Variants in BANK1 observed in about 807,000 individuals in gnomAD.
The protein encoded by BANK1 is B-cell scaffold protein with ankyrin repeats.
Under a neutral mutation model 94.5 loss-of-function variants are expected in BANK1, and 95 were observed. That is an observed-to-expected ratio of 1.00 (90% confidence interval 0.85 to 1.19). The LOEUF (loss-of-function observed/expected upper bound fraction) is 1.19, where lower values mean the gene tolerates loss of function less well. Ranked by LOEUF, BANK1 falls within the 50% of genes most tolerant of loss-of-function variation. The pLI, the probability that BANK1 is intolerant of heterozygous loss-of-function variation, is 0.00. For synonymous variants in BANK1, 334 were observed against 308.4 expected (o/e 1.08, Z -0.87); for missense variants, 987 against 932.2 (o/e 1.06, Z -0.77).
chr4:101,958,464 C>CTTTTTTTTTTTTTTTTTTTTTT (rs35066662), intron 7 of BANK1, among the ~76,000 whole-genome samples: 1 of 110,732 alleles, frequency 9.0e-6, no homozygotes, highest in African/African-American at 3.4e-5. Context: ...GCCCCCCATG[C>CTTTTTTTTTTTTTTTTTTTTTT]TTTTTTTTTT....
In BANK1 at chr4:102,060,193, C is replaced by G; in HGVS notation, c.1970-18C>G. The G allele has an allele frequency of 1.3e-6, 2 of 1,543,794 alleles. No individual in the cohort carries two copies. Among genetic ancestry groups the G allele is most frequent in the Non-Finnish European group, 1.7e-6 (2 of 1,154,560 alleles). On this transcript the variant is annotated intron_variant, in intron 11 of 16. Coordinates refer to ENST00000322953, the MANE Select transcript of BANK1 (RefSeq NM_017935.5). ...ACACCTGGACTTTCTGTTAATGCAC[C>G]CTCCCCTTGTATTTTAGACAGAGCT... is the stretch of plus-strand genomic sequence containing the variant.
intron 7 of BANK1, among the ~76,000 whole-genome samples, chr4:102,004,030 C>G (rs186015708): frequency 4.6e-5 from 7 of 151,804 alleles, no homozygotes; most frequent in African/African-American, 1.4e-4. Context: ...TGTAAAATGA[C>G]AACCCCAGTC....
chr4:101,840,117 C>T (rs1323108372), intron 2 of BANK1, among the ~76,000 whole-genome samples: 3 of 147,286 alleles, frequency 2.0e-5, no homozygotes, highest in South Asian at 2.1e-4. Context: ...TACAGGCGCC[C>T]GCCACTACGC....
intron 5 of BANK1, among the ~76,000 whole-genome samples, chr4:101,892,995 T>A (rs1384150497): frequency 6.6e-6 from 1 of 152,050 alleles, no homozygotes; most frequent in Non-Finnish European, 1.5e-5. Context: ...ATACCACTTA[T>A]TTATGTGCAA....
chr4:101,958,940 G>A (rs549057038), intron 7 of BANK1, among the ~76,000 whole-genome samples: 141 of 152,282 alleles, frequency 9.3e-4, no homozygotes, highest in Middle Eastern at 3.4e-3. Context: ...AAAGCTTTAC[G>A]TGTGTTGATA....
intron 7 of BANK1, among the ~76,000 whole-genome samples, chr4:101,920,259 A>G (rs182586370): frequency 1.8e-4 from 28 of 152,056 alleles, no homozygotes; most frequent in Non-Finnish European, 3.2e-4. Context: ...ATTAGGAGAT[A>G]TATCTAATAT....
At chr4:101,835,139 T>C (rs1405722047) in intron 2 of BANK1, among the ~76,000 whole-genome samples, 1 of 152,250 alleles carries the variant, frequency 6.6e-6, no homozygotes, top group Non-Finnish European at 1.5e-5. Context: ...GTGTTTTACC[T>C]AACTTGCTTT....
chr4:101,986,374 C>T (rs541653248), intron 7 of BANK1, among the ~76,000 whole-genome samples: 1 of 152,196 alleles, frequency 6.6e-6, no homozygotes, highest in African/African-American at 2.4e-5. Context: ...CTCACTGTTT[C>T]TGTCTTACTC....
intron 5 of BANK1, among the ~76,000 whole-genome samples, chr4:101,878,177 C>CA (rs937847670): frequency 3.3e-4 from 49 of 148,960 alleles, no homozygotes; most frequent in African/African-American, 6.1e-4. Flanking sequence ...GGATTAAAAA[C>CA]AAAAAAAAAG....
At chr4:101,964,722 A>G (rs1724686781) in intron 7 of BANK1, among the ~76,000 whole-genome samples, 1 of 152,036 alleles carries the variant, frequency 6.6e-6, no homozygotes, top group South Asian at 2.1e-4. Context: ...TTTTTCCATT[A>G]AAGATGAGAT....
intron 7 of BANK1, among the ~76,000 whole-genome samples, chr4:101,989,756 T>C (rs1011476273): frequency 6.6e-6 from 1 of 152,160 alleles, no homozygotes; most frequent in East Asian, 1.9e-4. Flanking sequence ...ATCCAGGTTA[T>C]GTATTTTTTA....
At chr4:102,067,836 C>T (rs867123898) in intron 13 of BANK1, among the ~76,000 whole-genome samples, 166 of 152,014 alleles carry the variant, frequency 1.1e-3, no homozygotes, top group Middle Eastern at 3.4e-3. Context: ...TTTTTTAAGT[C>T]AGAATACATA....
chr4:101,807,797 A>G (rs1725608050), intron 1 of BANK1, among the ~76,000 whole-genome samples: 2 of 152,120 alleles, frequency 1.3e-5, no homozygotes, highest in South Asian at 4.1e-4. Flanking sequence ...TTTAAAATTC[A>G]GGGCCGGGCG....
intron 7 of BANK1, among the ~76,000 whole-genome samples, chr4:101,975,925 T>TTCAGATATGCTA (rs1725111722): frequency 6.6e-6 from 1 of 152,098 alleles, no homozygotes; most frequent in African/African-American, 2.4e-5. Flanking sequence ...CTGTGCGAAT[T>TTCAGATATGCTA]TCCGCATTCA....
intron 2 of BANK1, among the ~76,000 whole-genome samples, chr4:101,847,014 G>A (rs528244423): frequency 3.3e-5 from 5 of 152,122 alleles, no homozygotes; most frequent in South Asian, 2.1e-4. Flanking sequence ...CATCTGCTGC[G>A]CTCCAGATTT....
At chr4:102,004,529 A>G (rs918671224) in intron 7 of BANK1, among the ~76,000 whole-genome samples, 2 of 152,110 alleles carry the variant, frequency 1.3e-5, no homozygotes, top group Non-Finnish European at 2.9e-5. Context: ...GGCAGAGAGA[A>G]TTTTTGGATG....
chr4:101,905,205 C>T (rs1307568849), intron 6 of BANK1, among the ~76,000 whole-genome samples: 1 of 148,688 alleles, frequency 6.7e-6, no homozygotes, highest in Non-Finnish European at 1.5e-5. Context: ...TAAACCTAAA[C>T]TAGACTTTCC....
chr4:101,871,276 A>C (rs570512651), intron 5 of BANK1, among the ~76,000 whole-genome samples: 1 of 152,254 alleles, frequency 6.6e-6, no homozygotes, highest in Admixed American at 6.5e-5. Flanking sequence ...TAGAATTGTA[A>C]CTTTGCTTAT....
At chr4:102,064,230 T>TATC (rs1728517539) in intron 13 of BANK1, among the ~76,000 whole-genome samples, 1 of 152,306 alleles carries the variant, frequency 6.6e-6, no homozygotes, top group Non-Finnish European at 1.5e-5. Flanking sequence ...ATTATACAGT[T>TATC]ATCTTTTTTT....
Sources: allele counts gnomAD v4.1 joint callset (sites outside exome capture counted in the v4.1 genomes callset), GRCh38; gene constraint gnomAD v4.1.1; transcripts MANE v1.5; gene names NCBI Gene and HGNC (gene_info 2026-07-23, HGNC 2026-07-21).